Variants in ARHGAP32 observed in about 807,000 individuals in gnomAD.
ARHGAP32 encodes the protein Rho GTPase activating protein 32.
In ARHGAP32, 51 loss-of-function variants were observed where a neutral mutation model predicts 186.5. That is an observed-to-expected ratio of 0.27 (90% CI 0.22 to 0.35). ARHGAP32 has a LOEUF of 0.35. Among genes scored for constraint, ARHGAP32 ranks in the 10% least tolerant of loss-of-function variants. The pLI, the probability that ARHGAP32 is intolerant of heterozygous loss-of-function variation, is 1.00. For synonymous variants in ARHGAP32, 950 were observed against 964.3 expected (o/e 0.99, Z 0.27); for missense variants, 2,186 against 2,623.5 (o/e 0.83, Z 3.64).
At chr11:129,024,738 T>C (rs948630904) in intron 11 of ARHGAP32, among the ~76,000 whole-genome samples, 8 of 152,226 alleles carry the variant, frequency 5.3e-5, no homozygotes, top group Admixed American at 4.6e-4. Context: ...ATGTTAAATA[T>C]GTAACTCTCC....
intron 2 of ARHGAP32, among the ~76,000 whole-genome samples, chr11:129,159,179 A>C (rs2135474323): frequency 6.6e-6 from 1 of 152,328 alleles, no homozygotes; most frequent in East Asian, 1.9e-4. Flanking sequence ...TTCAAGAGCT[A>C]ACAGAAGACA....
intron 1 of ARHGAP32, among the ~76,000 whole-genome samples, chr11:129,222,296 T>TA (rs1463150345): frequency 1.3e-5 from 2 of 152,132 alleles, no homozygotes; most frequent in African/African-American, 4.8e-5. Context: ...GCTGGTATCT[T>TA]AGTGTTTTTT....
At position 129,123,421 on chromosome 11, in the gene ARHGAP32, A is replaced by G; in HGVS notation, c.444+25T>C. On this transcript the variant is annotated intron_variant, in intron 5 of 22. Transcript: ENST00000682385. The surrounding 1 kb of genome is among the most constrained non-coding windows in gnomAD (Gnocchi z 4.6). ...AGGTAAATGTGTAAATCTTAATTCA[A>G]GATGTAAGAAATATTTCAGTATACC... is the stretch of plus-strand genomic sequence containing the variant. 6.3e-7 allele frequency: 1 copy of G among 1,575,788 alleles called. No homozygotes were observed. The highest frequency in any genetic ancestry group is 8.7e-7 in the Non-Finnish European group (1 of 1,146,676).
intron 10 of ARHGAP32, among the ~76,000 whole-genome samples, chr11:129,058,917 A>T (rs1194003585): frequency 6.6e-6 from 1 of 152,224 alleles, no homozygotes; most frequent in Non-Finnish European, 1.5e-5. Context: ...AAGGTAGGGG[A>T]CATCATGAAC....
chr11:129,143,469 C>A (rs182353331), intron 2 of ARHGAP32, among the ~76,000 whole-genome samples: 1 of 152,148 alleles, frequency 6.6e-6, no homozygotes, highest in South Asian at 2.1e-4. Flanking sequence ...CACTCCGTCC[C>A]GCCTGGAACA....
chr11:129,186,772 T>C (rs901988174), intron 1 of ARHGAP32, among the ~76,000 whole-genome samples: 1 of 152,110 alleles, frequency 6.6e-6, no homozygotes, highest in African/African-American at 2.4e-5. Context: ...GTGCTCAACA[T>C]CACTGATCAT....
chr11:129,262,870 A>T (rs1294643319), intron 1 of ARHGAP32, among the ~76,000 whole-genome samples: 2 of 152,190 alleles, frequency 1.3e-5, no homozygotes, highest in African/African-American at 4.8e-5. Flanking sequence ...AATTCTTTTT[A>T]AAAATATGTT....
At chr11:128,982,434 G>C (rs1185307853) in intron 15 of ARHGAP32, among the ~76,000 whole-genome samples, 1 of 151,522 alleles carries the variant, frequency 6.6e-6, no homozygotes, top group Non-Finnish European at 1.5e-5. Context: ...TTGAAAACAA[G>C]ACATGATCAC....
chr11:129,117,606 T>C (rs1271018998), intron 5 of ARHGAP32, among the ~76,000 whole-genome samples: 1 of 151,988 alleles, frequency 6.6e-6, no homozygotes, highest in Admixed American at 6.6e-5. Flanking sequence ...AGATATTAAA[T>C]TCATACTTTT....
intron 11 of ARHGAP32, among the ~76,000 whole-genome samples, chr11:129,010,235 T>C (rs1938007958): frequency 6.6e-6 from 1 of 152,226 alleles, no homozygotes; most frequent in Non-Finnish European, 1.5e-5. Context: ...TCTTCCATTA[T>C]GTAGGCTGTC....
intron 1 of ARHGAP32, among the ~76,000 whole-genome samples, chr11:129,271,023 C>A (rs1331889746): frequency 6.6e-6 from 1 of 152,122 alleles, no homozygotes; most frequent in Non-Finnish European, 1.5e-5. Context: ...TGGTTAAGAA[C>A]CACTGATATG....
chr11:129,093,616 A>T lies in ARHGAP32; in HGVS notation c.531+5T>A. The T allele has an allele frequency of 1.3e-6, 2 of 1,596,024 alleles. No individual in the cohort carries two copies. Among genetic ancestry groups the T allele is most frequent in the Non-Finnish European group, 1.7e-6 (2 of 1,168,734 alleles). ...ATGAAATGGAGAATACATTCACAAA[A>T]TCACCTGACAAGCAATCTGCACGAG... is the stretch of plus-strand genomic sequence containing the variant. On this transcript the variant is annotated splice_donor_5th_base_variant and intron_variant, in intron 6 of 22. Coordinates refer to ENST00000682385, the MANE Select transcript of ARHGAP32 (RefSeq NM_001378024.1).
chr11:129,248,714 A>T (rs553065164), intron 1 of ARHGAP32, among the ~76,000 whole-genome samples: 23 of 152,204 alleles, frequency 1.5e-4, no homozygotes, highest in Admixed American at 3.3e-4. Context: ...TATACTTCCA[A>T]AAACCTGACT....
intron 11 of ARHGAP32, among the ~76,000 whole-genome samples, chr11:129,020,588 T>A (rs1938550921): frequency 6.6e-6 from 1 of 151,868 alleles, no homozygotes. Context: ...GTTTCAAGAG[T>A]TTACTGCAGT....
At chr11:129,253,590 C>T (rs894543368) in intron 1 of ARHGAP32, among the ~76,000 whole-genome samples, 30 of 152,054 alleles carry the variant, frequency 2.0e-4, no homozygotes, top group African/African-American at 7.2e-4. Context: ...GTACTAAGAA[C>T]CTTATACTTA....
chr11:129,113,104 T>C (rs1942272344), intron 5 of ARHGAP32, among the ~76,000 whole-genome samples: 1 of 152,188 alleles, frequency 6.6e-6, no homozygotes, highest in Non-Finnish European at 1.5e-5. Flanking sequence ...CTTGGGAGCA[T>C]TTCCAGCATC....
chr11:129,279,073 G>C (rs1945574545), intron 1 of ARHGAP32: 1 of 146,770 alleles, frequency 6.8e-6, no homozygotes, highest in East Asian at 2.0e-4. Context: ...GGAAAGAGAG[G>C]CCCCCCGCAG....
At chr11:129,098,512 G>A (rs7124088) in intron 5 of ARHGAP32, among the ~76,000 whole-genome samples, 30,442 of 150,850 alleles carry the variant, frequency 0.2, 3,201 homozygotes, top group Non-Finnish European at 0.23. Flanking sequence ...TCTGCCTCCC[G>A]GGTTCACACC....
intron 10 of ARHGAP32, among the ~76,000 whole-genome samples, chr11:129,061,946 G>T (rs1288963842): frequency 6.6e-6 from 1 of 152,114 alleles, no homozygotes; most frequent in East Asian, 1.9e-4. Context: ...CTTAATTCCA[G>T]AGAGGAAATA....
Sources: allele counts gnomAD v4.1 joint callset (sites outside exome capture counted in the v4.1 genomes callset), GRCh38; gene constraint gnomAD v4.1.1; non-coding constraint Gnocchi (gnomAD v3.1); transcripts MANE v1.5; gene names NCBI Gene and HGNC (gene_info 2026-07-23, HGNC 2026-07-21).